CKMT2: variants seen among roughly 807,000 people sequenced by gnomAD.
CKMT2 encodes creatine kinase, mitochondrial 2.
Under a neutral mutation model 48.9 loss-of-function variants are expected in CKMT2, and 43 were observed. The observed-to-expected ratio is 0.88, with a 90% CI of 0.69 to 1.13. The LOEUF (loss-of-function observed/expected upper bound fraction) is 1.13. CKMT2 is among the 50% of genes most tolerant of loss of function. CKMT2 has a pLI of 0.00. For synonymous variants in CKMT2, 206 were observed against 213.0 expected (o/e 0.97, Z 0.29); for missense variants, 472 against 555.4 (o/e 0.85, Z 1.51).
intron 8 of CKMT2, chr5:81,259,499 A>G: frequency 2.9e-6 from 1 of 339,818 alleles, no homozygotes; most frequent in Non-Finnish European, 5.3e-6. Flanking sequence ...CTCATGTAAC[A>G]AATCAGGATA....
intron 1 of CKMT2, chr5:81,235,768 T>C (rs1006199294): frequency 2.0e-5 from 3 of 152,174 alleles, no homozygotes; most frequent in African/African-American, 4.8e-5. Context: ...TAGCTGTCGT[T>C]GTTTTTTTAA....
intron 9 of CKMT2, among the ~76,000 whole-genome samples, chr5:81,264,356 C>A (rs2112830537): frequency 6.6e-6 from 1 of 152,324 alleles, no homozygotes; most frequent in Non-Finnish European, 1.5e-5. Flanking sequence ...TTTAAAGCCT[C>A]TTCTCATAAC....
intron 2 of CKMT2, 78 bp from the exon 3 acceptor site, chr5:81,252,617 T>C (rs1756857372): frequency 1.4e-6 from 2 of 1,457,698 alleles, no homozygotes; most frequent in Non-Finnish European, 1.9e-6. Context: ...AGTGGAAGGA[T>C]GGGCAAACAA....
intron 1 of CKMT2, among the ~76,000 whole-genome samples, chr5:81,243,364 G>C (rs1321370316): frequency 1.3e-5 from 2 of 152,126 alleles, no homozygotes; most frequent in East Asian, 1.9e-4. Context: ...ATTAGGCAGA[G>C]AAAGATGGAC....
At chr5:81,248,779 A>T (rs1756699092) in intron 1 of CKMT2, among the ~76,000 whole-genome samples, 1 of 152,190 alleles carries the variant, frequency 6.6e-6, no homozygotes, top group Non-Finnish European at 1.5e-5. Context: ...TGTAACCCCT[A>T]CTCAGAAGAG....
intron 1 of CKMT2, among the ~76,000 whole-genome samples, chr5:81,235,454 CG>C (rs1166519815): frequency 6.6e-6 from 1 of 152,196 alleles, no homozygotes; most frequent in African/African-American, 2.4e-5. Context: ...AAAGCTGACA[CG>C]TGGTCCTCCT....
chr5:81,258,967 G>T (rs1757111397), intron 7 of CKMT2, among the ~76,000 whole-genome samples, 153 bp from the exon 8 acceptor site: 1 of 152,060 alleles, frequency 6.6e-6, no homozygotes, highest in Non-Finnish European at 1.5e-5. Flanking sequence ...TGGTAGGAGA[G>T]GTATTATTTT....
chr5:81,264,416 A>C (rs1483351963), intron 9 of CKMT2, among the ~76,000 whole-genome samples: 2 of 152,230 alleles, frequency 1.3e-5, no homozygotes, highest in African/African-American at 2.4e-5. Context: ...GGATTATCAA[A>C]GTTCTCTCTT....
chr5:81,263,717 T>A (rs1757307285), intron 9 of CKMT2, 101 bp downstream of exon 9: 5 of 1,110,014 alleles, frequency 4.5e-6, no homozygotes, highest in Non-Finnish European at 6.4e-6. Flanking sequence ...ATTCGAGACC[T>A]CCTCTTCGCC....
chr5:81,253,929 G>A (rs1256933185), intron 3 of CKMT2, among the ~76,000 whole-genome samples: 3 of 152,340 alleles, frequency 2.0e-5, no homozygotes, highest in Admixed American at 6.5e-5. Flanking sequence ...TTCTTCTGGC[G>A]TAGCCAGGTT....
chr5:81,262,085 T>C (rs1757242847), intron 8 of CKMT2, among the ~76,000 whole-genome samples: 1 of 152,138 alleles, frequency 6.6e-6, no homozygotes, highest in Non-Finnish European at 1.5e-5. Context: ...AAACTAGAAA[T>C]GGGGAAAGGA....
Position 81,266,277 on chromosome 5 carries a change from T to C in CKMT2, c.*19T>C, listed in dbSNP as rs1461619177. 6.2e-7 allele frequency: 1 copy of C among 1,611,360 alleles called. No individual in the cohort carries two copies. On this transcript the variant is annotated 3_prime_UTR_variant, in exon 10 of 10. Transcript: ENST00000254035. ...AAAGTAAACTTTCCCTTTCCCAATT[T>C]ATAAATAATCTGTCTGCTGGTACGA...
chr5:81,254,842 T>C, intron 4 of CKMT2, 151 bp from the exon 5 acceptor site: 1 of 689,318 alleles, frequency 1.5e-6, no homozygotes, highest in South Asian at 1.7e-5. Context: ...CCCCAAGACT[T>C]CCGGAATGTG....
intron 6 of CKMT2, 61 bp downstream of exon 6, chr5:81,257,061 C>CTTATCCTAACCTGGAGTTGCT: frequency 7.3e-7 from 1 of 1,375,658 alleles, no homozygotes; most frequent in Non-Finnish European, 1.0e-6. Flanking sequence ...AGATCACCTG[C>CTTATCCTAACCTGGAGTTGCT]TTATCCTAAC....
In CKMT2 at chr5:81,266,123, T is replaced by C; in HGVS notation, c.1141-16T>C. The stretch of plus-strand genomic sequence containing the variant: ...CTTCTATTCAAATTAATCATTCATC[T>C]TCTTCACTGTCAAAGGTTGAGCTTG... On this transcript the variant is annotated splice_polypyrimidine_tract_variant and intron_variant, in intron 9 of 9. Transcript: ENST00000254035. The C allele has an allele frequency of 3.7e-6, 6 of 1,610,402 alleles. No homozygotes were observed. Among genetic ancestry groups the C allele is most frequent in the Non-Finnish European group, 5.1e-6 (6 of 1,177,150 alleles).
intron 1 of CKMT2, among the ~76,000 whole-genome samples, chr5:81,246,097 C>T (rs1561279144): frequency 6.6e-6 from 1 of 151,980 alleles, no homozygotes; most frequent in African/African-American, 2.4e-5. Flanking sequence ...ACTGCTCTCT[C>T]TGCTTGCATT....
At chr5:81,265,223 T>C (rs750603774) in intron 9 of CKMT2, among the ~76,000 whole-genome samples, 26 of 152,174 alleles carry the variant, frequency 1.7e-4, no homozygotes, top group South Asian at 4.1e-4. Context: ...CACCATACTC[T>C]CACCAACACT....
chr5:81,234,134 A>G (rs1756186758), intron 1 of CKMT2, among the ~76,000 whole-genome samples: 1 of 151,700 alleles, frequency 6.6e-6, no homozygotes, highest in Admixed American at 6.6e-5. Flanking sequence ...CGGGGTTAAA[A>G]TCAGTCCTGT....
At chr5:81,239,768 A>C (rs1036028501) in intron 1 of CKMT2, among the ~76,000 whole-genome samples, 1 of 152,120 alleles carries the variant, frequency 6.6e-6, no homozygotes, top group East Asian at 1.9e-4. Flanking sequence ...AATCACACAC[A>C]ATTTCTAGTT....
Sources: gnomAD v4.1 joint callset for allele counts (sites outside exome capture counted in the v4.1 genomes callset) on GRCh38, gnomAD v4.1.1 for gene constraint, MANE v1.5 for transcripts, NCBI Gene and HGNC (gene_info 2026-07-23, HGNC 2026-07-21) for gene names.